The following AUTS2 variants were observed in gnomAD, a reference collection of about 807,000 sequenced individuals.
The protein encoded by AUTS2 is activator of transcription and developmental regulator AUTS2.
Under a neutral mutation model 112.4 loss-of-function variants are expected in AUTS2, and 17 were observed. That is an observed-to-expected ratio of 0.15 (90% CI 0.10 to 0.23). The LOEUF (loss-of-function observed/expected upper bound fraction) is 0.23. Among genes scored for constraint, AUTS2 ranks in the 10% least tolerant of loss-of-function variants. AUTS2 has a pLI of 1.00. For missense variants in AUTS2, 1,510 were observed against 1,701.6 expected (o/e 0.89, Z 1.98); for synonymous variants, 751 against 702.7 (o/e 1.07, Z -1.09).
At chr7:69,825,928 CT>C (rs1479931516) in intron 1 of AUTS2, 3 of 152,196 alleles carry the variant, frequency 2.0e-5, no homozygotes, top group East Asian at 3.9e-4. Context: ...GCATCTAGTC[CT>C]TATGAGTGTT....
Position 70,681,764 on chromosome 7 carries a change from T to G in AUTS2, c.691-16805T>G, listed in dbSNP as rs557513800. On this transcript the variant is annotated intron_variant, in intron 5 of 18. Coordinates refer to ENST00000342771, the MANE Select transcript of AUTS2 (RefSeq NM_015570.4). ...AAATTTTAGTGTATTCCAGTGTGGATTTCTTGGTATTTGTAATGCAAAAAC... is the reference window on the plus strand; with the variant it reads ...AAATTTTAGTGTATTCCAGTGTGGAGTTCTTGGTATTTGTAATGCAAAAAC... Among the ~76,000 whole-genome samples the G allele has an allele frequency of 9.2e-5, 14 of 152,280 alleles. No individual in the cohort carries two copies. The South Asian group carries it at 2.9e-3, about 32-fold the overall frequency.
At chr7:69,709,537 A>G (rs1306349038) in intron 1 of AUTS2, among the ~76,000 whole-genome samples, 1 of 152,188 alleles carries the variant, frequency 6.6e-6, no homozygotes, top group Non-Finnish European at 1.5e-5. Flanking sequence ...TTTAACCCAT[A>G]AGAGTGCTGT....
intron 4 of AUTS2, among the ~76,000 whole-genome samples, chr7:70,374,934 C>G (rs538315119): frequency 6.6e-6 from 1 of 152,276 alleles, no homozygotes; most frequent in South Asian, 2.1e-4. Flanking sequence ...CATCCATAGA[C>G]CCAGTAGAAA....
At chr7:70,221,063 G>C (rs961407678) in intron 4 of AUTS2, among the ~76,000 whole-genome samples, 1 of 152,124 alleles carries the variant, frequency 6.6e-6, no homozygotes, top group Non-Finnish European at 1.5e-5. Context: ...TCACCACCAT[G>C]TTTGGCTAAT....
chr7:70,655,473 T>C (rs974127233), intron 5 of AUTS2, among the ~76,000 whole-genome samples: 1 of 152,216 alleles, frequency 6.6e-6, no homozygotes, highest in African/African-American at 2.4e-5. Context: ...ACTTCCCTCA[T>C]GGATGCAAGA....
intron 1 of AUTS2, among the ~76,000 whole-genome samples, chr7:69,804,342 G>C (rs529789445): frequency 1.4e-4 from 21 of 152,344 alleles, no homozygotes; most frequent in Non-Finnish European, 2.9e-4. Context: ...TGGGCACACA[G>C]AGCTTTCAGT....
chr7:70,208,323 T>C (rs1277419845), intron 4 of AUTS2, among the ~76,000 whole-genome samples: 2 of 152,208 alleles, frequency 1.3e-5, no homozygotes, highest in Non-Finnish European at 2.9e-5. Flanking sequence ...GGAAATGCCT[T>C]TGATGACCCC....
chr7:70,448,643 A>G (rs1796412928), intron 5 of AUTS2, among the ~76,000 whole-genome samples: 1 of 152,208 alleles, frequency 6.6e-6, no homozygotes, highest in African/African-American at 2.4e-5. Context: ...ATGCAGCAAT[A>G]ATTTTAAATA....
intron 2 of AUTS2, among the ~76,000 whole-genome samples, chr7:70,009,556 CT>C (rs765390713): frequency 1.7e-4 from 26 of 152,186 alleles, no homozygotes; most frequent in Non-Finnish European, 3.4e-4. Context: ...ATTTAAAGCA[CT>C]GAAGTATTGC....
intron 2 of AUTS2, among the ~76,000 whole-genome samples, chr7:69,936,243 C>T (rs1214071793): frequency 1.3e-5 from 2 of 152,200 alleles, no homozygotes; most frequent in Non-Finnish European, 2.9e-5. Flanking sequence ...TAGGCCTCTT[C>T]TCTTTCAGTT....
chr7:70,088,525 CTCT>C (rs1198852007), intron 2 of AUTS2, among the ~76,000 whole-genome samples: 1 of 130,004 alleles, frequency 7.7e-6, no homozygotes, highest in Non-Finnish European at 1.6e-5. Flanking sequence ...TACTTTTGCT[CTCT>C]TTTTTTTTTT....
chr7:70,738,660 G>T (rs531285724), intron 6 of AUTS2, among the ~76,000 whole-genome samples: 13 of 152,232 alleles, frequency 8.5e-5, no homozygotes, highest in African/African-American at 3.1e-4. Context: ...ATGGCGCAAG[G>T]CTCCTGTGCC....
intron 2 of AUTS2, among the ~76,000 whole-genome samples, chr7:70,113,374 T>C (rs1219321174): frequency 6.6e-6 from 1 of 152,184 alleles, no homozygotes; most frequent in Non-Finnish European, 1.5e-5. Flanking sequence ...ACAAATTCTA[T>C]CCAATCCATG....
chr7:69,964,178 C>T (rs1797540900), intron 2 of AUTS2, among the ~76,000 whole-genome samples: 1 of 152,162 alleles, frequency 6.6e-6, no homozygotes, highest in Admixed American at 6.5e-5. Context: ...GGAGACTCTT[C>T]TATGCAGTGG....
chr7:70,624,995 C>G (rs937065276), intron 5 of AUTS2, among the ~76,000 whole-genome samples: 2 of 152,096 alleles, frequency 1.3e-5, no homozygotes, highest in Non-Finnish European at 2.9e-5. Context: ...GGCTGTTCCA[C>G]TCCACAGCCA....
chr7:70,303,855 T>A (rs1022349957), intron 4 of AUTS2, among the ~76,000 whole-genome samples: 4 of 152,206 alleles, frequency 2.6e-5, no homozygotes, highest in African/African-American at 9.6e-5. Flanking sequence ...TTTAGATGTA[T>A]CTGCTGCCAT....
At chr7:69,782,727 T>A (rs899325207) in intron 1 of AUTS2, among the ~76,000 whole-genome samples, 6 of 152,100 alleles carry the variant, frequency 3.9e-5, no homozygotes, top group Admixed American at 3.9e-4. Flanking sequence ...TTAGAGCAGA[T>A]CCTCTATTGG....
At chr7:70,043,836 C>G (rs1241088798) in intron 2 of AUTS2, among the ~76,000 whole-genome samples, 1 of 151,860 alleles carries the variant, frequency 6.6e-6, no homozygotes, top group South Asian at 2.1e-4. Context: ...CTCGGACTCC[C>G]GATCTCAGGT....
chr7:70,636,204 T>C (rs1805527328), intron 5 of AUTS2, among the ~76,000 whole-genome samples: 3 of 152,084 alleles, frequency 2.0e-5, no homozygotes, highest in Admixed American at 2.0e-4. Context: ...GGGCAAGGTG[T>C]GAGATGGTGG....
Sources: allele counts gnomAD v4.1 joint callset (sites outside exome capture counted in the v4.1 genomes callset), GRCh38; gene constraint gnomAD v4.1.1; transcripts MANE v1.5; gene names NCBI Gene and HGNC (gene_info 2026-07-23, HGNC 2026-07-21).